The following TAFA4 variants were observed in gnomAD, a reference collection of about 807,000 sequenced individuals.
The protein encoded by TAFA4 is chemokine-like protein TAFA-4.
Under a neutral mutation model 21.1 loss-of-function variants are expected in TAFA4, and 20 were observed. The observed-to-expected ratio is 0.95, with a 90% CI of 0.67 to 1.38. TAFA4 has a LOEUF of 1.38. TAFA4 is among the 40% of genes most tolerant of loss of function. TAFA4 has a pLI of 0.00. For missense variants in TAFA4, 211 were observed against 180.9 expected (o/e 1.17, Z -0.95); for synonymous variants, 71 against 67.4 (o/e 1.05, Z -0.26).
At chr3:68,799,657 G>T (rs763709428) in intron 3 of TAFA4, among the ~76,000 whole-genome samples, 1 of 152,174 alleles carries the variant, frequency 6.6e-6, no homozygotes, top group Non-Finnish European at 1.5e-5. Context: ...AGAAGGCAAT[G>T]TGACAAAGGA....
At chr3:68,783,717 G>GAAAGAA (rs1703195408) in intron 3 of TAFA4, among the ~76,000 whole-genome samples, 1 of 68,862 alleles carries the variant, frequency 1.5e-5, no homozygotes, top group Non-Finnish European at 3.5e-5. Context: ...GAAAGAAAAA[G>GAAAGAA]AAAGAAAGAA....
At chr3:68,883,642 G>A (rs753157596) in intron 2 of TAFA4, among the ~76,000 whole-genome samples, 11 of 152,270 alleles carry the variant, frequency 7.2e-5, no homozygotes, top group Admixed American at 7.2e-4. Flanking sequence ...AGTTTAACTT[G>A]ATAAAACCAT....
chr3:68,834,967 T>G (rs779690830), intron 3 of TAFA4, among the ~76,000 whole-genome samples: 3 of 152,148 alleles, frequency 2.0e-5, no homozygotes, highest in Non-Finnish European at 4.4e-5. Flanking sequence ...AACCCTCTAA[T>G]ATATGGTCAT....
intron 3 of TAFA4, among the ~76,000 whole-genome samples, chr3:68,807,418 G>T (rs1488302868): frequency 1.3e-5 from 2 of 152,124 alleles, no homozygotes; most frequent in Non-Finnish European, 2.9e-5. Context: ...CCAAATCCAA[G>T]CCAGACTGGC....
chr3:68,796,355 C>T (rs1487113285), intron 3 of TAFA4, among the ~76,000 whole-genome samples: 1 of 152,116 alleles, frequency 6.6e-6, no homozygotes. Flanking sequence ...AATATCTCTC[C>T]ACTTTTAAAG....
chr3:68,860,390 AT>A (rs1327670196), intron 3 of TAFA4, among the ~76,000 whole-genome samples: 2 of 152,148 alleles, frequency 1.3e-5, no homozygotes, highest in African/African-American at 4.8e-5. Flanking sequence ...CTAAGAAAAC[AT>A]TTAAAACCAC....
chr3:68,812,286 C>T (rs1703859316), intron 3 of TAFA4, among the ~76,000 whole-genome samples: 1 of 152,110 alleles, frequency 6.6e-6, no homozygotes, highest in Non-Finnish European at 1.5e-5. Flanking sequence ...AAATAACCAG[C>T]TAACATCAAA....
intron 3 of TAFA4, among the ~76,000 whole-genome samples, chr3:68,813,366 A>G (rs1302339674): frequency 6.6e-6 from 1 of 152,158 alleles, no homozygotes; most frequent in Non-Finnish European, 1.5e-5. Flanking sequence ...CCCTTCAAAA[A>G]CTCAATGAAT....
chr3:68,874,835 A>G (rs951070171), intron 3 of TAFA4, among the ~76,000 whole-genome samples: 2 of 152,096 alleles, frequency 1.3e-5, no homozygotes, highest in Non-Finnish European at 2.9e-5. Flanking sequence ...CTCATTTGTC[A>G]GACATTTCAC....
chr3:68,735,908 C>T (rs1290328584), intron 5 of TAFA4, among the ~76,000 whole-genome samples: 1 of 151,862 alleles, frequency 6.6e-6, no homozygotes, highest in Non-Finnish European at 1.5e-5. Context: ...TAGTAGCATC[C>T]CTGGCCTCTA....
At chr3:68,876,266 A>C (rs971704675) in intron 3 of TAFA4, among the ~76,000 whole-genome samples, 1 of 152,160 alleles carries the variant, frequency 6.6e-6, no homozygotes, top group Non-Finnish European at 1.5e-5. Context: ...AACATGCAAA[A>C]TTACATGTGG....
chr3:68,840,439 A>G (rs1704634483), intron 3 of TAFA4, among the ~76,000 whole-genome samples: 1 of 152,032 alleles, frequency 6.6e-6, no homozygotes, highest in South Asian at 2.1e-4. Flanking sequence ...CTAGTCTCGA[A>G]CTTCTGAGCT....
intron 3 of TAFA4, among the ~76,000 whole-genome samples, chr3:68,871,860 C>T (rs1214891146): frequency 1.3e-5 from 2 of 152,078 alleles, no homozygotes; most frequent in Non-Finnish European, 2.9e-5. Context: ...GATATCATCT[C>T]ACCCCAGTCA....
intron 3 of TAFA4, among the ~76,000 whole-genome samples, chr3:68,763,702 T>C (rs1468031466): frequency 6.6e-6 from 1 of 152,144 alleles, no homozygotes; most frequent in Non-Finnish European, 1.5e-5. Context: ...ACTTTCCTTT[T>C]GTCAGTTTTC....
chr3:68,795,956 T>G (rs1703447073), intron 3 of TAFA4, among the ~76,000 whole-genome samples: 1 of 152,194 alleles, frequency 6.6e-6, no homozygotes, highest in East Asian at 1.9e-4. Flanking sequence ...TCTTGCACAC[T>G]TGTAAAGTAC....
chr3:68,766,511 G>T (rs901658536), intron 3 of TAFA4, among the ~76,000 whole-genome samples: 1 of 150,848 alleles, frequency 6.6e-6, no homozygotes, highest in East Asian at 1.9e-4. Context: ...TAATACAAAA[G>T]CATTCTTAAA....
intron 4 of TAFA4, among the ~76,000 whole-genome samples, chr3:68,748,451 T>C (rs561127979): frequency 6.6e-6 from 1 of 152,124 alleles, no homozygotes; most frequent in Non-Finnish European, 1.5e-5. Flanking sequence ...ATTGACATCT[T>C]GAAAAAGTGG....
At chr3:68,808,319 A>C (rs563234363) in intron 3 of TAFA4, among the ~76,000 whole-genome samples, 1 of 152,278 alleles carries the variant, frequency 6.6e-6, no homozygotes, top group South Asian at 2.1e-4. Context: ...AATTGAAAGC[A>C]TCCTTTGTCT....
At chr3:68,764,305 C>T (rs1436137542) in intron 3 of TAFA4, among the ~76,000 whole-genome samples, 1 of 151,990 alleles carries the variant, frequency 6.6e-6, no homozygotes, top group African/African-American at 2.4e-5. Context: ...AAGAGAGCCC[C>T]CACCAGAAAC....
Sources: gnomAD v4.1 joint callset for allele counts (sites outside exome capture counted in the v4.1 genomes callset) on GRCh38, gnomAD v4.1.1 for gene constraint, MANE v1.5 for transcripts, NCBI Gene and HGNC (gene_info 2026-07-23, HGNC 2026-07-21) for gene names.